Variants in DIAPH3 observed in about 807,000 individuals in gnomAD.
DIAPH3 encodes diaphanous related formin 3.
A neutral mutation model predicts 144.3 loss-of-function variants in DIAPH3; 117 were observed. That is an observed-to-expected ratio of 0.81 (90% CI 0.70 to 0.95). DIAPH3 has a LOEUF of 0.95. Among genes scored for constraint, DIAPH3 ranks in the 40% least tolerant of loss-of-function variants. The probability of loss-of-function intolerance (pLI) is 0.00; values close to 1 mark genes in which losing one functional copy is unlikely to be tolerated. For synonymous variants in DIAPH3, 519 were observed against 488.9 expected (o/e 1.06, Z -0.81); for missense variants, 1,421 against 1,412.7 (o/e 1.01, Z -0.09).
intron 25 of DIAPH3, among the ~76,000 whole-genome samples, chr13:59,797,337 A>G (rs1593883704): frequency 6.6e-6 from 1 of 152,224 alleles, no homozygotes; most frequent in Admixed American, 6.5e-5. Context: ...CTAGGATAGT[A>G]TCATGACATA....
At chr13:60,042,550 C>A (rs1267335156) in intron 5 of DIAPH3, 140 bp downstream of exon 5, 1 of 1,021,122 alleles carries the variant, frequency 9.8e-7, no homozygotes, top group Non-Finnish European at 1.5e-6. Context: ...GACTATATTT[C>A]TTCCTGCATA....
intron 24 of DIAPH3, among the ~76,000 whole-genome samples, chr13:59,814,828 T>C (rs1288652738): frequency 6.6e-6 from 1 of 152,224 alleles, no homozygotes; most frequent in Non-Finnish European, 1.5e-5. Context: ...AGACAGAGTT[T>C]GGTGCAACCC....
chr13:60,118,870 T>C (rs1183048460), intron 2 of DIAPH3, among the ~76,000 whole-genome samples: 1 of 152,230 alleles, frequency 6.6e-6, no homozygotes, highest in Non-Finnish European at 1.5e-5. Context: ...GACCACTTTA[T>C]CTAAAGTAGC....
chr13:59,736,881 G>A (rs141117894), intron 27 of DIAPH3, among the ~76,000 whole-genome samples: 6 of 152,202 alleles, frequency 3.9e-5, no homozygotes, highest in Middle Eastern at 3.4e-3. Context: ...TGATAAACCT[G>A]ACAAAAACAA....
chr13:59,738,313 CCA>C, intron 27 of DIAPH3, among the ~76,000 whole-genome samples: 1 of 152,096 alleles, frequency 6.6e-6, no homozygotes, highest in South Asian at 2.1e-4. Flanking sequence ...AGCAAGGGGA[CCA>C]CAGAGGCAAG....
rs868454120 is a variant in DIAPH3 at position 60,010,621 on chromosome 13, C to T, written c.820G>A (p.Ala274Thr). 1 of 1,613,594 alleles carries T rather than the reference C, an allele frequency of 6.2e-7. No individual in the cohort carries two copies. Among genetic ancestry groups the T allele is most frequent in the South Asian group, 1.1e-5 (1 of 91,014 alleles). The stretch of plus-strand genomic sequence containing the variant: ...GGGTGTCTGGGATCCACGGCTTTGG[C>T]CAATAAGGAAAGGCTCCTCTCCTCA... ...MSEERSLSLLAKAVDPRHPNM... is the reference protein window; with the variant it reads ...MSEERSLSLLTKAVDPRHPNM... Residue 274 changes from alanine (A) to threonine (T), a missense_variant, in exon 8 of 28, where the codon GCC becomes ACC. Ala to Thr is a moderately conservative substitution (Grantham distance 58). Coordinates refer to ENST00000400324, the MANE Select transcript of DIAPH3 (RefSeq NM_001042517.2).
chr13:60,088,288 C>T lies in DIAPH3; in HGVS notation c.495+5340G>A, dbSNP rs190453139. On this transcript the variant is annotated intron_variant, in intron 4 of 27. Coordinates refer to ENST00000400324, the MANE Select transcript of DIAPH3 (RefSeq NM_001042517.2). ...ACTACATAACATAAACCAAAATTCC[C>T]CCGAAAATCTCTTTAAATATCTCTC... Among the ~76,000 whole-genome samples, 229 of 152,188 alleles carry T rather than the reference C, an allele frequency of 1.5e-3. 1 individual carries two copies. In the Middle Eastern group the frequency reaches 0.02, roughly 14 times the overall value.
chr13:59,893,805 T>G (rs979238422), intron 20 of DIAPH3, among the ~76,000 whole-genome samples: 2 of 152,132 alleles, frequency 1.3e-5, no homozygotes, highest in Non-Finnish European at 2.9e-5. Context: ...AAATGACTAA[T>G]TCCTTGCCTT....
chr13:59,971,898 G>A (rs531639191), intron 15 of DIAPH3, among the ~76,000 whole-genome samples: 1 of 152,236 alleles, frequency 6.6e-6, no homozygotes, highest in Admixed American at 6.5e-5. Context: ...TCTTCAGTCT[G>A]AGCTAACAGG....
chr13:60,039,793 T>C (rs192404324), intron 5 of DIAPH3, among the ~76,000 whole-genome samples: 30 of 152,274 alleles, frequency 2.0e-4, no homozygotes, highest in Admixed American at 8.5e-4. Flanking sequence ...AGTCACATAC[T>C]GTATAAAAAT....
At chr13:59,998,874 C>A (rs2052364047) in intron 9 of DIAPH3, among the ~76,000 whole-genome samples, 1 of 152,024 alleles carries the variant, frequency 6.6e-6, no homozygotes, top group Admixed American at 6.6e-5. Context: ...CAACAATGAT[C>A]CTAAAAATAA....
At chr13:60,116,687 G>A (rs911902970) in intron 2 of DIAPH3, among the ~76,000 whole-genome samples, 2 of 151,820 alleles carry the variant, frequency 1.3e-5, no homozygotes, top group African/African-American at 4.8e-5. Context: ...TATTATAAAT[G>A]TAAACATGTC....
chr13:60,138,758 GGAGA>G, intron 1 of DIAPH3, among the ~76,000 whole-genome samples: 1 of 106,848 alleles, frequency 9.4e-6, no homozygotes, highest in African/African-American at 4.9e-5. Flanking sequence ...CAGGAAGGAA[GGAGA>G]AGGAGAAGGA....
chr13:60,145,160 C>T (rs1412605360), intron 1 of DIAPH3, among the ~76,000 whole-genome samples: 3 of 152,176 alleles, frequency 2.0e-5, no homozygotes, highest in African/African-American at 7.2e-5. Flanking sequence ...AGTACCTAGG[C>T]TGGGAATGAG....
At chr13:59,821,385 T>C (rs1202790219) in intron 24 of DIAPH3, among the ~76,000 whole-genome samples, 2 of 152,086 alleles carry the variant, frequency 1.3e-5, no homozygotes, top group African/African-American at 4.8e-5. Flanking sequence ...AAACTCCTGA[T>C]GACTTCAGCT....
At chr13:59,905,431 C>T (rs866536120) in intron 20 of DIAPH3, among the ~76,000 whole-genome samples, 1 of 151,154 alleles carries the variant, frequency 6.6e-6, no homozygotes. Context: ...ATTAAAAAGG[C>T]CTTTCAATTT....
intron 5 of DIAPH3, among the ~76,000 whole-genome samples, chr13:60,018,837 G>C (rs1172887052): frequency 6.6e-6 from 1 of 151,884 alleles, no homozygotes; most frequent in African/African-American, 2.4e-5. Flanking sequence ...AGAAAACTGA[G>C]ACACCTGACA....
At chr13:59,714,332 C>T (rs548302105) in intron 27 of DIAPH3, among the ~76,000 whole-genome samples, 10 of 139,436 alleles carry the variant, frequency 7.2e-5, no homozygotes, top group Non-Finnish European at 3.0e-5. Flanking sequence ...TGCACTCCAG[C>T]CTGGGCGACA....
chr13:59,763,089 AAC>A (rs1249849335), intron 27 of DIAPH3, among the ~76,000 whole-genome samples: 2 of 152,090 alleles, frequency 1.3e-5, no homozygotes, highest in African/African-American at 2.4e-5. Flanking sequence ...AAATAGACAA[AAC>A]AATCTCCAAG....
Sources: allele counts gnomAD v4.1 joint callset (sites outside exome capture counted in the v4.1 genomes callset), GRCh38; gene constraint gnomAD v4.1.1; transcripts MANE v1.5; gene names NCBI Gene and HGNC (gene_info 2026-07-23, HGNC 2026-07-21).